PITPNB: variants seen among roughly 807,000 people sequenced by gnomAD.
The protein encoded by PITPNB is phosphatidylinositol transfer protein beta isoform.
In PITPNB, 16 loss-of-function variants were observed where a neutral mutation model predicts 45.9. The observed-to-expected ratio is 0.35, with a 90% CI of 0.24 to 0.53. The LOEUF (loss-of-function observed/expected upper bound fraction) is 0.53, where lower values mean the gene tolerates loss of function less well. Among genes scored for constraint, PITPNB ranks in the 20% least tolerant of loss-of-function variants. The probability of loss-of-function intolerance (pLI) is 0.93; values close to 1 mark genes in which losing one functional copy is unlikely to be tolerated. For missense variants in PITPNB, 188 were observed against 330.5 expected (o/e 0.57, Z 3.34); for synonymous variants, 112 against 108.9 (o/e 1.03, Z -0.18).
At chr22:27,893,890 C>T (rs1935362225) in intron 7 of PITPNB, among the ~76,000 whole-genome samples, 1 of 152,158 alleles carries the variant, frequency 6.6e-6, no homozygotes, top group South Asian at 2.1e-4. Context: ...TGTGTCCAGC[C>T]TAAGATTATT....
chr22:27,860,269 AT>A, intron 8 of PITPNB, 28 bp from the exon 9 acceptor site: 2 of 1,313,122 alleles, frequency 1.5e-6, no homozygotes, highest in Non-Finnish European at 1.1e-6. Context: ...AAAAGGAGAA[AT>A]TATGACTTAA....
At chr22:27,893,978 G>T (rs1480329034) in intron 7 of PITPNB, among the ~76,000 whole-genome samples, 1 of 152,030 alleles carries the variant, frequency 6.6e-6, no homozygotes, top group African/African-American at 2.4e-5. Flanking sequence ...TTGTGAAAAA[G>T]AAATTTTTTT....
At chr22:27,877,615 G>T (rs1009056946) in intron 7 of PITPNB, among the ~76,000 whole-genome samples, 5 of 152,136 alleles carry the variant, frequency 3.3e-5, no homozygotes, top group African/African-American at 1.2e-4. Context: ...GATTCATTTC[G>T]AATACAAAGA....
At chr22:27,918,623 A>G (rs1936159583) in intron 1 of PITPNB, among the ~76,000 whole-genome samples, 2 of 152,368 alleles carry the variant, frequency 1.3e-5, no homozygotes, top group African/African-American at 4.8e-5. Flanking sequence ...GGAGCTGCCC[A>G]GGAGAGCGGA....
chr22:27,866,691 C>T (rs902762805), intron 8 of PITPNB, among the ~76,000 whole-genome samples: 4 of 152,180 alleles, frequency 2.6e-5, no homozygotes, highest in South Asian at 2.1e-4. Flanking sequence ...ATGTGCTACA[C>T]TGAACCAGAG....
chr22:27,905,259 T>G (rs1402529795), intron 3 of PITPNB, among the ~76,000 whole-genome samples: 1 of 152,196 alleles, frequency 6.6e-6, no homozygotes, highest in Non-Finnish European at 1.5e-5. Flanking sequence ...GCAATCCTCC[T>G]GCCTCAGCCT....
chr22:27,890,304 C>T (rs1420004182), intron 7 of PITPNB, among the ~76,000 whole-genome samples: 1 of 151,650 alleles, frequency 6.6e-6, no homozygotes, highest in Non-Finnish European at 1.5e-5. Flanking sequence ...AACTTTGCCA[C>T]CAAAAAGTTC....
At chr22:27,869,143 T>A (rs1665357535) in intron 8 of PITPNB, among the ~76,000 whole-genome samples, 2 of 152,032 alleles carry the variant, frequency 1.3e-5, no homozygotes. Context: ...TTAACATCCA[T>A]CAGAAATGCA....
chr22:27,861,722 C>T (rs1222544379), intron 8 of PITPNB, among the ~76,000 whole-genome samples: 1 of 152,088 alleles, frequency 6.6e-6, no homozygotes, highest in Non-Finnish European at 1.5e-5. Context: ...CTTGAAGCCC[C>T]AGTGTTGGTG....
At chr22:27,876,734 C>T (rs192182419) in intron 7 of PITPNB, among the ~76,000 whole-genome samples, 13 of 152,204 alleles carry the variant, frequency 8.5e-5, no homozygotes, top group Non-Finnish European at 1.8e-4. Context: ...TCACAATGAA[C>T]AAATATATTC....
intron 1 of PITPNB, among the ~76,000 whole-genome samples, chr22:27,917,894 G>A (rs964300578): frequency 6.6e-6 from 1 of 152,188 alleles, no homozygotes; most frequent in African/African-American, 2.4e-5. Context: ...CTACAATTAG[G>A]TCTTCAGAAA....
At chr22:27,872,493 A>C (rs1347574145) in intron 8 of PITPNB, among the ~76,000 whole-genome samples, 1 of 152,130 alleles carries the variant, frequency 6.6e-6, no homozygotes, top group Admixed American at 6.5e-5. Context: ...TCTGAACTAA[A>C]CTCTACCCAG....
At position 27,903,789 on chromosome 22, in the gene PITPNB, A is replaced by G. The variant is rs558612962; in HGVS notation, c.198-5897T>C. 3.0e-4 allele frequency among the ~76,000 whole-genome samples: 46 copies of G among 151,868 alleles called. No individual in the cohort carries two copies. In the South Asian group the frequency reaches 9.1e-3, roughly 30 times the overall value. ...AGACCCTGTCTCCCAAAAAAAAAAA[A>G]AAAAAAAACTAAAAAGAAAGTGGGG... On this transcript the variant is annotated intron_variant, in intron 3 of 11. Coordinates refer to ENST00000335272, the MANE Select transcript of PITPNB (RefSeq NM_012399.5).
Position 27,858,405 on chromosome 22 carries a change from A to G in PITPNB, c.750T>C (p.Thr250=). Residue 250 remains threonine, a synonymous_variant, in exon 10 of 12, where the codon ACT becomes ACC. Coordinates refer to ENST00000335272, the MANE Select transcript of PITPNB (RefSeq NM_012399.5). ...GTCTTACTGTTTCTAGTTCTTTCTG[A>G]GTCTCGTCTTCCATTCTCCTAATGT... ...MEDIRRMEDE[T]QKELETMRKR... 1 of 1,606,902 alleles carries G rather than the reference A, an allele frequency of 6.2e-7. No individual in the cohort carries two copies. Among genetic ancestry groups the G allele is most frequent in the East Asian group, 2.2e-5 (1 of 44,556 alleles).
At chr22:27,917,887 C>T (rs1291450576) in intron 1 of PITPNB, among the ~76,000 whole-genome samples, 1 of 152,146 alleles carries the variant, frequency 6.6e-6, no homozygotes, top group East Asian at 1.9e-4. Context: ...GTGGGAACTA[C>T]AATTAGGTCT....
chr22:27,892,126 T>C (rs1327516330), intron 7 of PITPNB, among the ~76,000 whole-genome samples: 2 of 152,208 alleles, frequency 1.3e-5, no homozygotes. Context: ...GAGAACTACC[T>C]ACTCAGCCTT....
intron 7 of PITPNB, among the ~76,000 whole-genome samples, chr22:27,875,769 G>A (rs1459251140): frequency 6.6e-6 from 1 of 152,132 alleles, no homozygotes; most frequent in Non-Finnish European, 1.5e-5. Flanking sequence ...TTAGTAAGAG[G>A]TAATTCAAGG....
chr22:27,889,640 G>C (rs1023889621), intron 7 of PITPNB, among the ~76,000 whole-genome samples: 9 of 152,080 alleles, frequency 5.9e-5, no homozygotes, highest in Admixed American at 2.6e-4. Context: ...ACAGCACTTT[G>C]GACCACGCTG....
intron 7 of PITPNB, among the ~76,000 whole-genome samples, chr22:27,874,244 G>A (rs1443269954): frequency 6.6e-6 from 1 of 152,200 alleles, no homozygotes; most frequent in African/African-American, 2.4e-5. Flanking sequence ...AGCAACTACT[G>A]TGGCTGGGAA....
Sources: gnomAD v4.1 joint callset for allele counts (sites outside exome capture counted in the v4.1 genomes callset) on GRCh38, gnomAD v4.1.1 for gene constraint, MANE v1.5 for transcripts, NCBI Gene and HGNC (gene_info 2026-07-23, HGNC 2026-07-21) for gene names.